SPIDR: variants seen among roughly 807,000 people sequenced by gnomAD.
SPIDR encodes DNA repair-scaffolding protein.
A neutral mutation model predicts 104.6 loss-of-function variants in SPIDR; 93 were observed. The observed-to-expected ratio is 0.89, with a 90% CI of 0.75 to 1.06. The LOEUF (loss-of-function observed/expected upper bound fraction) is 1.06, where lower values mean the gene tolerates loss of function less well. SPIDR is among the 50% of genes least tolerant of loss of function. The pLI is 0.00. For missense variants in SPIDR, 1,154 were observed against 1,111.2 expected (o/e 1.04, Z -0.55); for synonymous variants, 431 against 416.9 (o/e 1.03, Z -0.41).
chr8:47,674,006 T>C, intron 11 of SPIDR, 65 bp downstream of exon 11: 2 of 1,537,100 alleles, frequency 1.3e-6, no homozygotes, highest in Non-Finnish European at 1.7e-6. Context: ...TAGTCTTTTG[T>C]CTCTAATTTT....
At chr8:47,326,924 C>T (rs995570623) in intron 5 of SPIDR, among the ~76,000 whole-genome samples, 20 of 152,166 alleles carry the variant, frequency 1.3e-4, no homozygotes, top group Non-Finnish European at 2.2e-4. Context: ...TTACACATTT[C>T]GGAGTACCTG....
intron 5 of SPIDR, among the ~76,000 whole-genome samples, chr8:47,350,667 C>T (rs1466468290): frequency 5.3e-5 from 8 of 152,160 alleles, no homozygotes; most frequent in Non-Finnish European, 8.8e-5. Context: ...TATTATTTTG[C>T]GACCATATCT....
At chr8:47,322,258 C>T (rs1447321395) in intron 5 of SPIDR, among the ~76,000 whole-genome samples, 1 of 150,906 alleles carries the variant, frequency 6.6e-6, no homozygotes, top group South Asian at 2.1e-4. Context: ...GAAAAAAACG[C>T]CATCAGAAAG....
At chr8:47,520,125 A>G (rs1204771613) in intron 8 of SPIDR, among the ~76,000 whole-genome samples, 2 of 152,186 alleles carry the variant, frequency 1.3e-5, no homozygotes, top group Non-Finnish European at 2.9e-5. Flanking sequence ...CTGTTATTTG[A>G]TTCCCACTTA....
intron 5 of SPIDR, chr8:47,360,723 G>T: frequency 2.3e-6 from 1 of 430,708 alleles, no homozygotes; most frequent in Non-Finnish European, 3.1e-6. Flanking sequence ...TCTACATGTT[G>T]GCAGCTAGTT....
chr8:47,555,978 T>G (rs991675246), intron 8 of SPIDR, among the ~76,000 whole-genome samples: 1 of 152,208 alleles, frequency 6.6e-6, no homozygotes, highest in Non-Finnish European at 1.5e-5. Context: ...GCAAAAACTC[T>G]TAGTTTTCTA....
chr8:47,453,205 A>G (rs2072219215), intron 8 of SPIDR, among the ~76,000 whole-genome samples: 1 of 152,198 alleles, frequency 6.6e-6, no homozygotes. Context: ...GCTCAATGAA[A>G]TAAAAGAGGA....
At chr8:47,491,069 A>G (rs1211155635) in intron 8 of SPIDR, among the ~76,000 whole-genome samples, 1 of 152,216 alleles carries the variant, frequency 6.6e-6, no homozygotes, top group Non-Finnish European at 1.5e-5. Context: ...ACTTGTAACT[A>G]CAAAAAGCAT....
At chr8:47,652,170 G>T (rs1346005263) in intron 10 of SPIDR, among the ~76,000 whole-genome samples, 1 of 152,150 alleles carries the variant, frequency 6.6e-6, no homozygotes. Flanking sequence ...AAAATGATCA[G>T]AAAAGTGAGT....
chr8:47,635,654 T>C (rs763115205), intron 10 of SPIDR, among the ~76,000 whole-genome samples: 4 of 152,168 alleles, frequency 2.6e-5, no homozygotes, highest in Admixed American at 1.3e-4. Flanking sequence ...AGTTTGAGTC[T>C]GTGGTATGCT....
chr8:47,663,839 G>T (rs1233949130), intron 10 of SPIDR, among the ~76,000 whole-genome samples: 2 of 152,086 alleles, frequency 1.3e-5, no homozygotes, highest in Non-Finnish European at 2.9e-5. Context: ...AGAAACAGAA[G>T]ACCAGCTTTC....
At chr8:47,299,216 A>G (rs1460913950) in intron 5 of SPIDR, among the ~76,000 whole-genome samples, 243 of 152,284 alleles carry the variant, frequency 1.6e-3, no homozygotes, top group Non-Finnish European at 2.8e-3. Flanking sequence ...CTTTGAAGCA[A>G]TTGTGAATGG....
rs541295896 is a variant in SPIDR, at chr8:47,271,279, T to A, written c.34-8583T>A. ...ATTAAATTGAGGAAGCATTTTGGGC[T>A]TTGTTTCTTCAAATATTCTTTTTAC... On this transcript the variant is annotated intron_variant, in intron 1 of 19. Coordinates refer to ENST00000297423, the MANE Select transcript of SPIDR (RefSeq NM_001080394.4). 2.4e-4 allele frequency among the ~76,000 whole-genome samples: 36 copies of A among 152,300 alleles called. No individual in the cohort carries two copies. In the South Asian group the frequency reaches 6.8e-3, roughly 29 times the overall value.
chr8:47,650,137 C>A (rs1185604238), intron 10 of SPIDR, among the ~76,000 whole-genome samples: 1 of 152,058 alleles, frequency 6.6e-6, no homozygotes, highest in African/African-American at 2.4e-5. Flanking sequence ...TAAAGGGCAC[C>A]CAGATTGGAA....
chr8:47,484,842 T>C (rs781882741), intron 8 of SPIDR, among the ~76,000 whole-genome samples: 3 of 152,200 alleles, frequency 2.0e-5, no homozygotes, highest in Non-Finnish European at 4.4e-5. Flanking sequence ...GCTGTGTTCT[T>C]AGAAACAGAT....
intron 5 of SPIDR, among the ~76,000 whole-genome samples, chr8:47,353,743 T>A (rs1554623978): frequency 6.6e-6 from 1 of 152,052 alleles, no homozygotes; most frequent in Admixed American, 6.6e-5. Flanking sequence ...TTTCAACACA[T>A]TTTTTGTGCT....
intron 6 of SPIDR, among the ~76,000 whole-genome samples, chr8:47,400,466 C>A (rs2061727502): frequency 6.6e-6 from 1 of 152,164 alleles, no homozygotes; most frequent in Non-Finnish European, 1.5e-5. Flanking sequence ...ACTGAGCTGA[C>A]TAGAAAGGCC....
At chr8:47,598,815 T>C in intron 9 of SPIDR, 131 bp from the exon 10 acceptor site, 1 of 1,182,836 alleles carries the variant, frequency 8.5e-7, no homozygotes. Flanking sequence ...TCATCATCAC[T>C]TCAGTGTAGT....
chr8:47,370,598 C>A (rs993617045), intron 5 of SPIDR, among the ~76,000 whole-genome samples: 2 of 151,530 alleles, frequency 1.3e-5, no homozygotes, highest in Admixed American at 6.6e-5. Context: ...AGGTGCGCGC[C>A]ATCATGTCTG....
Sources: allele counts gnomAD v4.1 joint callset (sites outside exome capture counted in the v4.1 genomes callset), GRCh38; gene constraint gnomAD v4.1.1; transcripts MANE v1.5; gene names NCBI Gene and HGNC (gene_info 2026-07-23, HGNC 2026-07-21).